LARGE1: variants seen among roughly 807,000 people sequenced by gnomAD.
LARGE1 encodes the protein LARGE xylosyl- and glucuronyltransferase 1.
In LARGE1, 43 loss-of-function variants were observed where a neutral mutation model predicts 87.6. That is an observed-to-expected ratio of 0.49 (90% CI 0.38 to 0.63). The LOEUF (loss-of-function observed/expected upper bound fraction) is 0.63. LARGE1 is among the 30% of genes least tolerant of loss of function. The pLI is 0.00. For synonymous variants in LARGE1, 434 were observed against 394.6 expected (o/e 1.10, Z -1.18); for missense variants, 802 against 1,000.2 (o/e 0.80, Z 2.67).
At chr22:33,467,829 T>A (rs2068677315) in intron 6 of LARGE1, among the ~76,000 whole-genome samples, 1 of 152,194 alleles carries the variant, frequency 6.6e-6, no homozygotes. Flanking sequence ...CTTTGGTTTT[T>A]GTCCATGTTA....
intron 1 of LARGE1, among the ~76,000 whole-genome samples, chr22:33,852,474 G>A (rs1338365493): frequency 6.6e-6 from 1 of 152,076 alleles, no homozygotes; most frequent in Non-Finnish European, 1.5e-5. Context: ...TTACATTCCA[G>A]CAAAGGTAAC....
upstream of LARGE1, among the ~76,000 whole-genome samples, chr22:33,921,039 G>T (rs954010939): frequency 4.7e-5 from 7 of 150,330 alleles, no homozygotes; most frequent in South Asian, 4.1e-4. This position sits in a 1 kb window ranked among gnomAD's most constrained non-coding sequence, Gnocchi z 4.1. Context: ...GTGCAGCCGG[G>T]GGGGACCGCG....
chr22:33,261,081 A>G (rs1053925778), intron 11 of LARGE1, among the ~76,000 whole-genome samples: 1 of 152,204 alleles, frequency 6.6e-6, no homozygotes, highest in African/African-American at 2.4e-5. Flanking sequence ...ATTTCAGTCA[A>G]CACTCATTCA....
At chr22:33,850,321 A>T (rs562149131) in intron 1 of LARGE1, among the ~76,000 whole-genome samples, 1 of 152,234 alleles carries the variant, frequency 6.6e-6, no homozygotes, top group African/African-American at 2.4e-5. Context: ...ATATCCTAGG[A>T]TTATCTGCAA....
At chr22:33,233,302 TAATGATGATGAC>T (rs1926101357) in intron 11 of LARGE1, among the ~76,000 whole-genome samples, 1 of 151,974 alleles carries the variant, frequency 6.6e-6, no homozygotes. Flanking sequence ...ATGATGATGA[TAATGATGATGAC>T]AATGATGATG....
chr22:33,304,233 G>A lies in LARGE1; in HGVS notation c.1726C>T (p.Leu576Phe), dbSNP rs541753633. 1.2e-6 allele frequency: 2 copies of A among 1,614,182 alleles called. No individual in the cohort carries two copies. Among genetic ancestry groups the A allele is most frequent in the South Asian group, 2.2e-5 (2 of 91,088 alleles). The change falls in exon 12 of 15, where the codon CTC becomes TTC. Residue 576 changes from leucine (L) to phenylalanine (F), a missense_variant. Around this residue, in one of 2 missense-constraint regions of LARGE1, gnomAD observed 625 missense variants for 841.9 expected, o/e 0.74. Transcript: ENST00000397394. ...CAGGCCCCTGCAGGTCCTTACCTGA[G>A]GTACTCATAGAGCCCATACATGGGC... Reference protein sequence around the residue: ...FLPMYGLYEYLRKSVIQLDLA... With the variant: ...FLPMYGLYEYFRKSVIQLDLA...
chr22:33,685,491 C>A (rs1027986143), intron 2 of LARGE1, among the ~76,000 whole-genome samples: 2 of 152,144 alleles, frequency 1.3e-5, no homozygotes, highest in African/African-American at 4.8e-5. Flanking sequence ...AAAGCAGATA[C>A]AAGAATAATG....
At chr22:33,484,138 G>A (rs1455980896) in intron 6 of LARGE1, among the ~76,000 whole-genome samples, 2 of 152,086 alleles carry the variant, frequency 1.3e-5, no homozygotes, top group Non-Finnish European at 2.9e-5. Context: ...GACACCTTGG[G>A]GAAGAGTTTG....
intron 5 of LARGE1, among the ~76,000 whole-genome samples, chr22:33,576,665 C>A (rs1030210633): frequency 1.3e-5 from 2 of 151,946 alleles, no homozygotes; most frequent in African/African-American, 4.8e-5. Context: ...GTATACATAC[C>A]CTCTCTATCT....
the LARGE1 span, among the ~76,000 whole-genome samples, chr22:33,123,923 G>T: frequency 6.6e-6 from 1 of 152,176 alleles, no homozygotes; most frequent in African/African-American, 2.4e-5. Flanking sequence ...TCAGCAACCT[G>T]GTAGGTCCCA....
chr22:33,481,494 T>A (rs1459284019), intron 6 of LARGE1, among the ~76,000 whole-genome samples: 1 of 152,148 alleles, frequency 6.6e-6, no homozygotes, highest in East Asian at 1.9e-4. Context: ...TCTAGAATAG[T>A]TTGTTTCAAA....
At chr22:33,329,469 G>A (rs1937513374) in intron 10 of LARGE1, among the ~76,000 whole-genome samples, 1 of 151,858 alleles carries the variant, frequency 6.6e-6, no homozygotes, top group South Asian at 2.1e-4. Flanking sequence ...GCCTTGGAAA[G>A]AAGGAACAAG....
At chr22:33,620,625 C>G (rs1407307849) in intron 4 of LARGE1, among the ~76,000 whole-genome samples, 1 of 152,070 alleles carries the variant, frequency 6.6e-6, no homozygotes. Flanking sequence ...ACACTGAAAA[C>G]AAAAACAAGA....
chr22:33,750,954 A>C (rs1414213268), intron 2 of LARGE1: 4 of 152,258 alleles, frequency 2.6e-5, no homozygotes, highest in African/African-American at 9.6e-5. Flanking sequence ...AAGCATTTGA[A>C]CTTCAAAGCC....
At chr22:33,195,359 C>A (rs187695588) in intron 11 of LARGE1, among the ~76,000 whole-genome samples, 98 of 152,174 alleles carry the variant, frequency 6.4e-4, no homozygotes, top group African/African-American at 2.2e-3. Flanking sequence ...GAAAACTCGA[C>A]CCAATAATTG....
At chr22:33,854,986 G>C (rs1440619010) in intron 1 of LARGE1, among the ~76,000 whole-genome samples, 2 of 152,170 alleles carry the variant, frequency 1.3e-5, no homozygotes, top group Non-Finnish European at 2.9e-5. Flanking sequence ...CAGAGAGAGA[G>C]AGCACTTTCC....
chr22:33,605,224 C>A (rs1346955639), intron 4 of LARGE1, among the ~76,000 whole-genome samples: 1 of 152,006 alleles, frequency 6.6e-6, no homozygotes, highest in African/African-American at 2.4e-5. Flanking sequence ...GGATTCTGTG[C>A]CAACCAAGCG....
upstream of LARGE1, among the ~76,000 whole-genome samples, chr22:33,920,954 G>A (rs1400811912): frequency 6.7e-6 from 1 of 148,792 alleles, no homozygotes; most frequent in Non-Finnish European, 1.5e-5. Context: ...CTCCGGGCTG[G>A]CCCCGCCGCC....
intron 6 of LARGE1, among the ~76,000 whole-genome samples, chr22:33,483,372 C>T (rs1476490377): frequency 2.6e-5 from 4 of 152,138 alleles, no homozygotes; most frequent in Admixed American, 6.5e-5. Flanking sequence ...CCCCTTGCAA[C>T]CATCAGTCCA....
Sources: allele counts gnomAD v4.1 joint callset (sites outside exome capture counted in the v4.1 genomes callset), GRCh38; gene constraint gnomAD v4.1.1; regional missense constraint gnomAD v4.1.1; non-coding constraint Gnocchi (gnomAD v3.1); transcripts MANE v1.5; gene names NCBI Gene and HGNC (gene_info 2026-07-23, HGNC 2026-07-21).